Variants in INPP5F observed in about 807,000 individuals in gnomAD.
INPP5F encodes the protein inositol polyphosphate-5-phosphatase F.
In INPP5F, 97 loss-of-function variants were observed where a neutral mutation model predicts 137.2. The observed-to-expected ratio is 0.71, with a 90% CI of 0.60 to 0.84. The LOEUF (loss-of-function observed/expected upper bound fraction) is 0.84. Among genes scored for constraint, INPP5F ranks in the 40% least tolerant of loss-of-function variants. The pLI is 0.00. For synonymous variants in INPP5F, 504 were observed against 476.9 expected (o/e 1.06, Z -0.74); for missense variants, 1,271 against 1,371.9 (o/e 0.93, Z 1.16).
In INPP5F at chr10:119,796,792, C is replaced by T. The variant is rs761107054; in HGVS notation, c.747C>T (p.Thr249=). Residue 249 remains threonine, a synonymous_variant, in exon 7 of 20, where the codon ACC becomes ACT. Transcript: ENST00000650623. ...VQIEELVVNY[T]ESSDDEKSSP... The stretch of plus-strand genomic sequence containing the variant: ...TTGAAGAACTTGTGGTTAATTATAC[C>T]GAATCATCTGATGATGAGAAAAGCA... The T allele has an allele frequency of 6.2e-6, 10 of 1,612,824 alleles. No homozygotes were observed. The highest frequency in any genetic ancestry group is 3.3e-5 in the South Asian group (3 of 90,938).
At chr10:119,819,771 A>G (rs903444449) in intron 15 of INPP5F, 16 of 362,878 alleles carry the variant, frequency 4.4e-5, no homozygotes, top group African/African-American at 3.1e-4. Context: ...TTTTAGATTA[A>G]GACTGTTGGA....
intron 2 of INPP5F, among the ~76,000 whole-genome samples, chr10:119,771,190 C>T (rs1422784169): frequency 6.6e-6 from 1 of 152,200 alleles, no homozygotes; most frequent in Non-Finnish European, 1.5e-5. Flanking sequence ...CAATATTTCA[C>T]ATAAATGAAA....
intron 3 of INPP5F, among the ~76,000 whole-genome samples, chr10:119,782,541 A>G (rs888239999): frequency 2.0e-5 from 3 of 152,150 alleles, no homozygotes; most frequent in South Asian, 4.2e-4. Context: ...ATTACTACAA[A>G]TAAAGGAGGC....
intron 3 of INPP5F, among the ~76,000 whole-genome samples, chr10:119,790,825 T>C (rs1850114373): frequency 6.6e-6 from 1 of 152,212 alleles, no homozygotes; most frequent in South Asian, 2.1e-4. Context: ...CAGGTAGCCT[T>C]CTTTAGAACC....
chr10:119,805,260 C>A, intron 10 of INPP5F, 124 bp from the exon 11 acceptor site: 1 of 662,974 alleles, frequency 1.5e-6, no homozygotes, highest in African/African-American at 1.8e-5. Flanking sequence ...TAGTATTAAC[C>A]TCATATATGT....
intron 3 of INPP5F, among the ~76,000 whole-genome samples, chr10:119,786,931 T>C (rs1054033155): frequency 6.6e-6 from 1 of 151,348 alleles, no homozygotes; most frequent in Non-Finnish European, 1.5e-5. Flanking sequence ...ACAATCCTTA[T>C]CTGAACTTCT....
intron 7 of INPP5F, 135 bp from the exon 8 acceptor site, chr10:119,797,326 C>T (rs1429514762): frequency 4.4e-6 from 3 of 684,144 alleles, no homozygotes; most frequent in African/African-American, 3.6e-5. Context: ...TAAGTTGATA[C>T]TGTTCTGCTT....
chr10:119,726,279 C>T lies in INPP5F; in HGVS notation c.17C>T (p.Ala6Val). ...GGGGCCAGCATGGAGCTCTTCCAAG[C>T]CAAGGACCACTACATCCTGCAGCAG... is the stretch of plus-strand genomic sequence containing the variant. MELFQAKDHYILQQGE... is the reference protein window; with the variant it reads MELFQVKDHYILQQGE... Residue 6 changes from alanine to valine, a missense_variant, in exon 1 of 20, where the codon GCC becomes GTC. Transcript: ENST00000650623. The T allele has an allele frequency of 6.7e-7, 1 of 1,490,156 alleles. No homozygotes were observed. 92.3% of individuals were successfully genotyped at this position (1,490,156 alleles called of 1,614,324 possible).
chr10:119,732,792 G>T (rs1439104616), intron 1 of INPP5F, among the ~76,000 whole-genome samples: 2 of 152,260 alleles, frequency 1.3e-5, no homozygotes, highest in South Asian at 4.1e-4. Context: ...GTGAGCCACC[G>T]CAACTGGCCT....
intron 4 of INPP5F, 91 bp downstream of exon 4, chr10:119,791,736 C>A: frequency 7.2e-7 from 1 of 1,380,382 alleles, no homozygotes; most frequent in South Asian, 1.3e-5. Context: ...TATTTTTAAA[C>A]CATTTGTTGT....
chr10:119,808,067 A>T lies in INPP5F; in HGVS notation c.1569+7A>T, dbSNP rs764596243. The T allele has an allele frequency of 1.1e-5, 18 of 1,608,688 alleles. No individual in the cohort carries two copies. Among genetic ancestry groups the T allele is most frequent in the Non-Finnish European group, 1.4e-5 (17 of 1,178,200 alleles). On this transcript the variant is annotated splice_region_variant and intron_variant, in intron 13 of 19. Coordinates refer to ENST00000650623, the MANE Select transcript of INPP5F (RefSeq NM_014937.4). ...TGGGACAGCTGCTCTGAAGGTAAAT[A>T]CTTGCAGGAAGCATCTGTGGGTCAT...
At chr10:119,764,878 C>T (rs1441794209) in intron 2 of INPP5F, among the ~76,000 whole-genome samples, 1 of 148,582 alleles carries the variant, frequency 6.7e-6, no homozygotes, top group Non-Finnish European at 1.5e-5. Flanking sequence ...ACGCCTGGCC[C>T]CTTGTGGTTT....
Position 119,827,144 on chromosome 10 carries a change from T to C in INPP5F, c.2763T>C (p.Ile921=). The C allele has an allele frequency of 6.2e-7, 1 of 1,614,152 alleles. No individual in the cohort carries two copies. The highest frequency in any genetic ancestry group is 8.5e-7 in the Non-Finnish European group (1 of 1,180,036). Residue 921 remains isoleucine, a synonymous_variant, in exon 20 of 20, where the codon ATT becomes ATC. Transcript: ENST00000650623. ...GTAGCGTTCATGCTCCTTCAGAGAT[T>C]ACTGTTGCTCATGGGAGTGGGCTTG... ...TDSSVHAPSE[I]TVAHGSGLGK... is the part of the protein sequence containing the mutation.
intron 1 of INPP5F, among the ~76,000 whole-genome samples, chr10:119,730,789 G>C (rs1370881876): frequency 2.4e-5 from 1 of 42,394 alleles, no homozygotes; most frequent in Non-Finnish European, 5.2e-5. Flanking sequence ...GAATCCCAGT[G>C]AACTTTTTTT....
At chr10:119,796,067 G>GGGGAGAGGGAGA (rs937651279) in intron 6 of INPP5F, among the ~76,000 whole-genome samples, 1 of 149,128 alleles carries the variant, frequency 6.7e-6, no homozygotes, top group African/African-American at 2.5e-5. Flanking sequence ...GGGAGACCGT[G>GGGGAGAGGGAGA]GGGAGAGGGA....
At chr10:119,758,216 T>C (rs1203724263) in intron 2 of INPP5F, among the ~76,000 whole-genome samples, 1 of 152,166 alleles carries the variant, frequency 6.6e-6, no homozygotes, top group Non-Finnish European at 1.5e-5. Context: ...AGAGCCTAAC[T>C]GGGTGGAGCT....
intron 1 of INPP5F, among the ~76,000 whole-genome samples, chr10:119,744,460 A>G (rs555327696): frequency 2.5e-4 from 38 of 150,998 alleles, no homozygotes; most frequent in Non-Finnish European, 3.1e-4. Flanking sequence ...AAAAAATAGT[A>G]TCTTCTTTCC....
chr10:119,761,711 C>CA (rs1849015974), intron 2 of INPP5F, among the ~76,000 whole-genome samples: 1 of 151,736 alleles, frequency 6.6e-6, no homozygotes, highest in Non-Finnish European at 1.5e-5. Flanking sequence ...TTTATAGACT[C>CA]ACGTTCTGTT....
chr10:119,737,080 G>C (rs1431076940), intron 1 of INPP5F, among the ~76,000 whole-genome samples: 3 of 152,050 alleles, frequency 2.0e-5, no homozygotes, highest in Non-Finnish European at 2.9e-5. Context: ...CCTCCTCTCT[G>C]GGCCCCCCAA....
Sources: gnomAD v4.1 joint callset for allele counts (sites outside exome capture counted in the v4.1 genomes callset) on GRCh38, gnomAD v4.1.1 for gene constraint, MANE v1.5 for transcripts, NCBI Gene and HGNC (gene_info 2026-07-23, HGNC 2026-07-21) for gene names.